Variants in PSME2 observed in about 807,000 individuals in gnomAD.
PSME2 encodes the protein proteasome activator complex subunit 2.
Under a neutral mutation model 38.8 loss-of-function variants are expected in PSME2, and 20 were observed. The ratio of observed to expected loss-of-function variants is 0.52; its 90% confidence interval spans 0.36 to 0.75. The LOEUF is 0.75. Ranked by LOEUF, PSME2 falls within the 30% of genes least tolerant of loss-of-function variation. The pLI, the probability that PSME2 is intolerant of heterozygous loss-of-function variation, is 0.00. For synonymous variants in PSME2, 82 were observed against 102.5 expected, an observed-to-expected ratio of 0.80 and a Z score of 1.21; for missense variants, 227 against 287.6, an observed-to-expected ratio of 0.79 and a Z score of 1.52.
chr14:24,143,500 G>A lies in PSME2; in HGVS notation c.640-11C>T, dbSNP rs148333745. 2 of 1,613,998 alleles carry A rather than the reference G, an allele frequency of 1.2e-6. No homozygotes were observed. The highest frequency in any genetic ancestry group is 2.2e-5 in the East Asian group (1 of 44,892). On this transcript the variant is annotated splice_polypyrimidine_tract_variant and intron_variant, in intron 10 of 10. Transcript: ENST00000216802. The surrounding 1 kb of genome is among the most constrained non-coding windows in gnomAD (Gnocchi z 4.4). ...ATGATAAAGCTCAGCCTGGGAGAAG[G>A]CCAGAGTGCAAGAGTCAGGTTCTTA...
chr14:24,143,589 A>G lies in PSME2; in HGVS notation c.635T>C (p.Phe212Ser), dbSNP rs760322778. Residue 212 changes from phenylalanine to serine, a missense_variant, in exon 10 of 11, where the codon TTC (phenylalanine) becomes TCC (serine). Phe to Ser is a radical substitution (Grantham distance 155, BLOSUM62 -2). This residue lies in a region of PSME2 where 99 missense variants were observed against 113.9 expected (regional missense o/e 0.87). Transcript: ENST00000216802. The surrounding 1 kb of genome is among the most constrained non-coding windows in gnomAD (Gnocchi z 4.4). Reference protein sequence around the residue: ...LRAMVLDLRAFYAELYHIISS... With the variant: ...LRAMVLDLRASYAELYHIISS... ...AAAGCCTTACTCCACACTCACATAGAAGGCCCTCAGGTCCAGCACCATGGC... is the reference window on the plus strand; with the variant it reads ...AAAGCCTTACTCCACACTCACATAGGAGGCCCTCAGGTCCAGCACCATGGC... 34 of 1,613,880 alleles carry G rather than the reference A, an allele frequency of 2.1e-5. No individual in the cohort carries two copies. The Admixed American group carries it at 5.7e-4, about 27-fold the overall frequency.
intron 6 of PSME2, 63 bp downstream of exon 6, chr14:24,144,995 G>A: frequency 6.7e-7 from 1 of 1,484,420 alleles, no homozygotes; most frequent in Non-Finnish European, 9.4e-7. Context: ...TGTATCTACG[G>A]AGGAGTCCAG....
chr14:24,146,354 T>G, intron 1 of PSME2, 114 bp from the exon 2 acceptor site: 2 of 1,475,904 alleles, frequency 1.4e-6, no homozygotes, highest in Non-Finnish European at 1.9e-6. Context: ...ACAAACTAGC[T>G]TTCCCTGGAA....
Position 24,143,613 on chromosome 14 carries a change from G to A in PSME2, c.611C>T (p.Ala204Val). The A allele has an allele frequency of 6.2e-7, 1 of 1,614,108 alleles. No individual in the cohort carries two copies. ...GAAGGCCCTCAGGTCCAGCACCATGGCCCTGAGCTCCCCATAGGCTGCCTC... is the reference window on the plus strand; with the variant it reads ...GAAGGCCCTCAGGTCCAGCACCATGACCCTGAGCTCCCCATAGGCTGCCTC... ...RDEAAYGELR[A>V]MVLDLRAFYA... is the part of the protein sequence containing the mutation. Residue 204 changes from alanine (A) to valine (V), a missense_variant, in exon 10 of 11, where the codon GCC (alanine) becomes GTC (valine). Around this residue, in one of 3 missense-constraint regions of PSME2, gnomAD observed 99 missense variants for 113.9 expected, o/e 0.87. Coordinates refer to ENST00000216802, the MANE Select transcript of PSME2 (RefSeq NM_002818.3). The surrounding 1 kb of genome is among the most constrained non-coding windows in gnomAD (Gnocchi z 4.4).
At position 24,145,152 on chromosome 14, in the gene PSME2, T is replaced by A. The variant is rs7146672; in HGVS notation, c.266A>T (p.His89Leu). 6.2e-7 allele frequency: 1 copy of A among 1,613,408 alleles called. No homozygotes were observed. The highest frequency in any genetic ancestry group is 8.5e-7 in the Non-Finnish European group (1 of 1,179,406). ...ETDKQEKKEV[H>L]KCGFLPGNEK... Reference sequence around the variant, plus strand: ...ATTCCCAGGGAGAAATCCACACTTATGGACTGTGAGAAAGAGGGGATTCAG... The same window carrying A: ...ATTCCCAGGGAGAAATCCACACTTAAGGACTGTGAGAAAGAGGGGATTCAG... Residue 89 changes from histidine to leucine, a missense_variant, in exon 6 of 11, where the codon CAT (histidine) becomes CTT (leucine). Around this residue, in one of 3 missense-constraint regions of PSME2, gnomAD observed 48 missense variants for 96.4 expected, o/e 0.50. Transcript: ENST00000216802.
Position 24,144,023 on chromosome 14 carries a change from G to C in PSME2, c.504C>G (p.Phe168Leu). ...TGGCCACAGCATCCCCACGTTCTGA[G>C]AAGTACCTGCCAGAAGCAAGGGAAT... ...EAFQTTISKYFSERGDAVAKA... is the reference protein window; with the variant it reads ...EAFQTTISKYLSERGDAVAKA... The change falls in exon 9 of 11, where the codon TTC (phenylalanine) becomes TTG (leucine). Residue 168 changes from phenylalanine to leucine, a missense_variant. Physicochemically the swap from Phe to Leu is conservative, Grantham distance 22 (BLOSUM62 0). This residue lies in a region of PSME2 where 99 missense variants were observed against 113.9 expected (regional missense o/e 0.87). Transcript: ENST00000216802. 1.9e-6 allele frequency: 3 copies of C among 1,613,866 alleles called. No homozygotes were observed. The highest frequency in any genetic ancestry group is 2.5e-6 in the Non-Finnish European group (3 of 1,180,018).
chr14:24,143,883 T>A lies in PSME2; in HGVS notation c.552+92A>T. ...TGCTTTTAGCTTAATATTCTCCACATTGGGAAAGTCACAAACAAGACAAGG... is the reference window on the plus strand; with the variant it reads ...TGCTTTTAGCTTAATATTCTCCACAATGGGAAAGTCACAAACAAGACAAGG... On this transcript the variant is annotated intron_variant, in intron 9 of 10. Coordinates refer to ENST00000216802, the MANE Select transcript of PSME2 (RefSeq NM_002818.3). This position sits in a 1 kb window ranked among gnomAD's most constrained non-coding sequence, Gnocchi z 4.4. The A allele has an allele frequency of 6.7e-7, 1 of 1,491,070 alleles. No homozygotes were observed. Among genetic ancestry groups the A allele is most frequent in the Non-Finnish European group, 9.3e-7 (1 of 1,074,234 alleles). 92.4% of individuals were successfully genotyped at this position (1,491,070 alleles called of 1,614,324 possible).
Position 24,143,407 on chromosome 14 carries a change from G to C in PSME2, c.*2C>G. ...TCATTTATTTTCCTTCTAGTCCCGGGTTCAGTACATAGATGGCTTTTCTTC... is the reference window on the plus strand; with the variant it reads ...TCATTTATTTTCCTTCTAGTCCCGGCTTCAGTACATAGATGGCTTTTCTTC... On this transcript the variant is annotated 3_prime_UTR_variant, in exon 11 of 11. Transcript: ENST00000216802. This position sits in a 1 kb window ranked among gnomAD's most constrained non-coding sequence, Gnocchi z 4.4. 2 of 1,609,926 alleles carry C rather than the reference G, an allele frequency of 1.2e-6. No individual in the cohort carries two copies. Among genetic ancestry groups the C allele is most frequent in the Non-Finnish European group, 1.7e-6 (2 of 1,176,218 alleles).
chr14:24,145,942 G>A, intron 2 of PSME2, 170 bp from the exon 3 acceptor site: 1 of 841,010 alleles, frequency 1.2e-6, no homozygotes, highest in South Asian at 1.4e-5. Context: ...GCAGAACGAA[G>A]GTTAGGACTG....
rs1453324770 is a variant in PSME2, at chr14:24,143,636, C to T, written c.588G>A (p.Glu196=). Residue 196 remains glutamate (E), a synonymous_variant, in exon 10 of 11, where the codon GAG becomes GAA. Transcript: ENST00000216802. The surrounding 1 kb of genome is among the most constrained non-coding windows in gnomAD (Gnocchi z 4.4). ...TGGCCCTGAGCTCCCCATAGGCTGC[C>T]TCATCTCGCTCATGCACCAAGGCCC... ...DYRALVHERD[E]AAYGELRAMV... is the part of the protein sequence containing the mutation. The T allele has an allele frequency of 6.2e-7, 1 of 1,614,152 alleles. No homozygotes were observed. The highest frequency in any genetic ancestry group is 8.5e-7 in the Non-Finnish European group (1 of 1,180,032).
At position 24,146,576 on chromosome 14, in the gene PSME2, G is replaced by C. The variant is rs757175345; in HGVS notation, c.6C>G (p.Ala2=). The change falls in exon 1 of 11, where the codon GCC becomes GCG. Residue 2 remains alanine (A), a synonymous_variant. Transcript: ENST00000216802. The part of the protein sequence containing the change: M[A]KPCGVRLSGE... ...CGCTCAGGCGCACCCCACACGGCTTGGCCATGCTGCTTCAGTCGCTAGATC... is the reference window on the plus strand; with the variant it reads ...CGCTCAGGCGCACCCCACACGGCTTCGCCATGCTGCTTCAGTCGCTAGATC... 1.4e-5 allele frequency: 22 copies of C among 1,613,510 alleles called. No homozygotes were observed. The highest frequency in any genetic ancestry group is 2.2e-5 in the East Asian group (1 of 44,892).
chr14:24,143,457 C>T lies in PSME2; in HGVS notation c.672G>A (p.Leu224=), dbSNP rs1205233162. The T allele has an allele frequency of 6.2e-7, 1 of 1,614,140 alleles. No individual in the cohort carries two copies. The highest frequency in any genetic ancestry group is 1.3e-5 in the African/African-American group (1 of 75,018). Residue 224 remains leucine (L), a synonymous_variant, in exon 11 of 11, where the codon CTG becomes CTA. Transcript: ENST00000216802. This position sits in a 1 kb window ranked among gnomAD's most constrained non-coding sequence, Gnocchi z 4.4. ...CACCCTTTGGGTTGACAATTTTCTC[C>T]AGGTTGCTGCTGATGATATGATAAA... is the stretch of plus-strand genomic sequence containing the variant. ...AELYHIISSN[L]EKIVNPKGEE...
In PSME2 at chr14:24,143,852, AG is replaced by A; in HGVS notation, c.552+122del. On this transcript the variant is annotated intron_variant, in intron 9 of 10. Coordinates refer to ENST00000216802, the MANE Select transcript of PSME2 (RefSeq NM_002818.3). This position sits in a 1 kb window ranked among gnomAD's most constrained non-coding sequence, Gnocchi z 4.4. ...TGTTGAAGCCCAAACCAGTTTTTCTAGGTAATGCTTTTAGCTTAATATTCTC... is the reference window on the plus strand; with the variant it reads ...TGTTGAAGCCCAAACCAGTTTTTCTAGTAATGCTTTTAGCTTAATATTCTC... The A allele has an allele frequency of 7.3e-7, 1 of 1,373,610 alleles. No individual in the cohort carries two copies. Among genetic ancestry groups the A allele is most frequent in the Non-Finnish European group, 1.0e-6 (1 of 977,676 alleles). 85.1% of individuals were successfully genotyped at this position (1,373,610 alleles called of 1,614,324 possible).
chr14:24,145,624 C>T lies in PSME2; in HGVS notation c.144+86G>A, dbSNP rs185309629. Reference sequence around the variant, plus strand: ...ATCCACTATTTGAAACTATTCTCTGCATGCTGAATCCAGTTGTTAGCTAGA... The same window carrying T: ...ATCCACTATTTGAAACTATTCTCTGTATGCTGAATCCAGTTGTTAGCTAGA... On this transcript the variant is annotated intron_variant, in intron 3 of 10. Transcript: ENST00000216802. 2.0e-6 allele frequency: 3 copies of T among 1,507,804 alleles called. No individual in the cohort carries two copies. In the Admixed American group the frequency reaches 5.1e-5, roughly 25 times the overall value. 93.4% of individuals were successfully genotyped at this position (1,507,804 alleles called of 1,614,324 possible).
At chr14:24,144,283 A>G (rs760928922) in intron 7 of PSME2, 24 bp from the exon 8 acceptor site, 3 of 1,613,938 alleles carry the variant, frequency 1.9e-6, no homozygotes, top group Non-Finnish European at 2.5e-6. Context: ...GGAGGCAAAG[A>G]CAACACTTCA....
At chr14:24,144,367 C>T in intron 7 of PSME2, 33 bp downstream of exon 7, 1 of 1,608,004 alleles carries the variant, frequency 6.2e-7, no homozygotes, top group East Asian at 2.2e-5. Context: ...AGGCTCTCCC[C>T]ACTCTAAGTA....
intron 8 of PSME2, 68 bp downstream of exon 8, chr14:24,144,124 G>A: frequency 6.2e-7 from 1 of 1,610,628 alleles, no homozygotes; most frequent in Non-Finnish European, 8.5e-7. Flanking sequence ...TGATAGGGCT[G>A]CCCAGCTCTG....
At position 24,146,555 on chromosome 14, in the gene PSME2, C is replaced by T. The variant is rs774588489; in HGVS notation, c.27G>A (p.Leu9=). Residue 9 remains leucine, a synonymous_variant, in exon 1 of 11, where the codon CTG becomes CTA. Transcript: ENST00000216802. ...TTACCTGTTTGCGGGCTTCCCCGCT[C>T]AGGCGCACCCCACACGGCTTGGCCA... MAKPCGVR[L]SGEARKQVEV... 1.1e-5 allele frequency: 18 copies of T among 1,613,932 alleles called. No homozygotes were observed. The South Asian group carries it at 1.6e-4, about 15-fold the overall frequency.
intron 6 of PSME2, 150 bp downstream of exon 6, chr14:24,144,908 G>T: frequency 1.3e-6 from 1 of 775,276 alleles, no homozygotes; most frequent in Admixed American, 2.3e-5. Context: ...AACAGAACGA[G>T]GAGAACAAAG....
Sources: allele counts gnomAD v4.1 joint callset, GRCh38; gene constraint gnomAD v4.1.1; regional missense constraint gnomAD v4.1.1; non-coding constraint Gnocchi (gnomAD v3.1); transcripts MANE v1.5; gene names NCBI Gene and HGNC (gene_info 2026-07-23, HGNC 2026-07-21).